CDHR3: variants seen among roughly 807,000 people sequenced by gnomAD.
The protein encoded by CDHR3 is cadherin related family member 3.
Under a neutral mutation model 86.6 loss-of-function variants are expected in CDHR3, and 79 were observed. The observed-to-expected ratio is 0.91, with a 90% CI of 0.76 to 1.10. CDHR3 has a LOEUF of 1.10. CDHR3 is among the 50% of genes least tolerant of loss of function. The pLI is 0.00. For synonymous variants in CDHR3, 421 were observed against 402.4 expected, an observed-to-expected ratio of 1.05 and a Z score of -0.55; for missense variants, 1,081 against 1,077.6, an observed-to-expected ratio of 1.00 and a Z score of -0.04.
chr7:105,974,150 T>G (rs547566128), intron 1 of CDHR3, among the ~76,000 whole-genome samples: 36 of 152,310 alleles, frequency 2.4e-4, no homozygotes, highest in African/African-American at 8.4e-4. Flanking sequence ...GGAAGAAATG[T>G]GCTTTCTATT....
At chr7:106,011,410 G>A (rs1834786272) in intron 8 of CDHR3, among the ~76,000 whole-genome samples, 1 of 151,952 alleles carries the variant, frequency 6.6e-6, no homozygotes, top group African/African-American at 2.4e-5. Context: ...TCCATGCAAT[G>A]AGCCTAGACT....
rs1362267067 is a variant in CDHR3 at position 106,033,624 on chromosome 7, C to T, written c.*927C>T. On this transcript the variant is annotated 3_prime_UTR_variant, in exon 19 of 19. Coordinates refer to ENST00000317716, the MANE Select transcript of CDHR3 (RefSeq NM_152750.5). ...GTGTGGTGGTGGGCACATGTAATCC[C>T]AGCTACTTGGGAGGCTGAGGTAGGG... 6.6e-6 allele frequency: 1 copy of T among 152,084 alleles called. No individual in the cohort carries two copies. The highest frequency in any genetic ancestry group is 1.9e-4 in the East Asian group (1 of 5,194). The allele number at this position is 152,084 out of a possible 1,614,324, so 9.4% of individuals were successfully genotyped here. A position where few individuals can be genotyped will look rare whatever the true frequency, so the allele number is the denominator to read the frequency against.
chr7:106,022,520 G>T, intron 14 of CDHR3, 72 bp downstream of exon 14: 1 of 1,563,178 alleles, frequency 6.4e-7, no homozygotes, highest in Non-Finnish European at 8.7e-7. Flanking sequence ...TCTTTCCCCG[G>T]CCTGGAGGTA....
intron 18 of CDHR3, among the ~76,000 whole-genome samples, chr7:106,031,391 C>A (rs912451858): frequency 6.6e-6 from 1 of 152,204 alleles, no homozygotes; most frequent in Non-Finnish European, 1.5e-5. Flanking sequence ...GAAATCAGCT[C>A]CAAATTTAGC....
intron 9 of CDHR3, 135 bp downstream of exon 9, chr7:106,013,166 G>T: frequency 4.3e-6 from 3 of 693,114 alleles, no homozygotes; most frequent in Non-Finnish European, 6.8e-6. Context: ...AGGCTTAATA[G>T]TGAGTCTGTG....
chr7:106,036,047 CTG>C lies in CDHR3; in HGVS notation c.*3351_*3352del, dbSNP rs1452534268. On this transcript the variant is annotated 3_prime_UTR_variant, in exon 19 of 19. Transcript: ENST00000317716. ...TTTCTCATTCTGATTCATTATAAAACTGGGGTAAATACGTTCAGGAATTAGAC... is the reference window on the plus strand; with the variant it reads ...TTTCTCATTCTGATTCATTATAAAACGGGTAAATACGTTCAGGAATTAGAC... 3 of 152,152 alleles carry C rather than the reference CTG, an allele frequency of 2.0e-5. No homozygotes were observed. The highest frequency in any genetic ancestry group is 2.1e-4 in the South Asian group (1 of 4,830). 9.4% of individuals were successfully genotyped at this position (152,152 alleles called of 1,614,324 possible).
Position 106,032,688 on chromosome 7 carries a change from AGGAAAGTAAAC to A in CDHR3, c.2652_*4del. 1.2e-6 allele frequency: 2 copies of A among 1,610,816 alleles called. No individual in the cohort carries two copies. Among genetic ancestry groups the A allele is most frequent in the East Asian group, 4.5e-5 (2 of 44,806 alleles). ...ACAGGGCTTACCCCAAACCACACCC[AGGAAAGTAAAC>A]GGGGTCTAAGGAGGGGCCTGTCAAT... is the stretch of plus-strand genomic sequence containing the variant. On this transcript the variant is annotated stop_retained_variant and 3_prime_UTR_variant, in exon 19 of 19. Transcript: ENST00000317716.
intron 4 of CDHR3, among the ~76,000 whole-genome samples, chr7:105,985,009 T>C (rs945161113): frequency 1.3e-5 from 2 of 150,290 alleles, no homozygotes; most frequent in African/African-American, 4.9e-5. Context: ...CAGTGAGCTA[T>C]GATCACGTCA....
chr7:106,028,033 G>A (rs1837632765), intron 16 of CDHR3, among the ~76,000 whole-genome samples: 1 of 151,996 alleles, frequency 6.6e-6, no homozygotes, highest in Admixed American at 6.6e-5. Flanking sequence ...AGATAGCTGA[G>A]AGGATCACTT....
intron 8 of CDHR3, 80 bp downstream of exon 8, chr7:106,004,767 C>G: frequency 7.4e-7 from 1 of 1,346,998 alleles, no homozygotes; most frequent in Non-Finnish European, 1.1e-6. Context: ...GGTATATTCT[C>G]AGGAGAATTA....
intron 4 of CDHR3, among the ~76,000 whole-genome samples, chr7:105,990,832 C>G (rs1186962960): frequency 3.3e-5 from 5 of 152,160 alleles, no homozygotes; most frequent in Non-Finnish European, 7.3e-5. Flanking sequence ...CCCTCGTACC[C>G]CAGGGAGCTG....
At chr7:105,978,219 T>G (rs1284107604) in intron 2 of CDHR3, among the ~76,000 whole-genome samples, 1 of 152,178 alleles carries the variant, frequency 6.6e-6, no homozygotes, top group Non-Finnish European at 1.5e-5. Flanking sequence ...TTCAGCCACT[T>G]GTAGCTAATC....
rs1487852575 is a variant in CDHR3, at chr7:106,033,232, GA to G, written c.*538del. ...GAGTAAGTTAAGAGTTGGTCATCTG[GA>G]AAGAAGAAAACTCAGTAGGCACCTT... is the stretch of plus-strand genomic sequence containing the variant. On this transcript the variant is annotated 3_prime_UTR_variant, in exon 19 of 19. Transcript: ENST00000317716. 13 of 153,370 alleles carry G rather than the reference GA, an allele frequency of 8.5e-5. No homozygotes were observed. Among genetic ancestry groups the G allele is most frequent in the Admixed American group, 5.1e-4 (8 of 15,542 alleles). 9.5% of individuals were successfully genotyped at this position (153,370 alleles called of 1,614,324 possible).
intron 3 of CDHR3, among the ~76,000 whole-genome samples, chr7:105,982,405 C>T (rs1369319325): frequency 7.1e-6 from 1 of 141,090 alleles, no homozygotes; most frequent in Non-Finnish European, 1.5e-5. Context: ...GGAGGTGGAG[C>T]TTGCAGTGAG....
At chr7:106,002,995 G>T (rs1191245971) in intron 7 of CDHR3, among the ~76,000 whole-genome samples, 1 of 151,806 alleles carries the variant, frequency 6.6e-6, no homozygotes, top group Non-Finnish European at 1.5e-5. Flanking sequence ...TTAGCTGAGT[G>T]TCATGATACA....
At chr7:106,001,646 T>G in intron 7 of CDHR3, 36 bp downstream of exon 7, 1 of 1,610,710 alleles carries the variant, frequency 6.2e-7, no homozygotes, top group Non-Finnish European at 8.5e-7. Context: ...GTGCATCCTC[T>G]AATTCAGCCA....
chr7:106,028,852 A>C (rs368004928), intron 17 of CDHR3, among the ~76,000 whole-genome samples: 1 of 152,178 alleles, frequency 6.6e-6, no homozygotes, highest in East Asian at 1.9e-4. Flanking sequence ...TCTCCACGAG[A>C]GTGAGTTGAG....
At chr7:106,012,141 AGT>A (rs1182489641) in intron 8 of CDHR3, among the ~76,000 whole-genome samples, 3 of 152,206 alleles carry the variant, frequency 2.0e-5, no homozygotes, top group African/African-American at 7.2e-5. Flanking sequence ...ATACTTATTG[AGT>A]GTGCCAAGAA....
rs894183384 is a variant in CDHR3 at position 106,028,915 on chromosome 7, ATT to A, written c.2304+336_2304+337del. On this transcript the variant is annotated intron_variant, in intron 17 of 18. Coordinates refer to ENST00000317716, the MANE Select transcript of CDHR3 (RefSeq NM_152750.5). Reference sequence around the variant, plus strand: ...TGCTTCAGCCTCCAGTGAGATTTAAATTTTCTTTCTTTCTTTCTTTCTTTCTT... The same window carrying A: ...TGCTTCAGCCTCCAGTGAGATTTAAATTCTTTCTTTCTTTCTTTCTTTCTT... Among the ~76,000 whole-genome samples, 4 of 115,306 alleles carry A rather than the reference ATT, an allele frequency of 3.5e-5. 1 individual carries two copies. Among genetic ancestry groups the A allele is most frequent in the African/African-American group, 1.3e-4 (4 of 30,634 alleles). 75.6% of individuals were successfully genotyped at this position (115,306 alleles called of 152,430 possible).
Sources: allele counts gnomAD v4.1 joint callset (sites outside exome capture counted in the v4.1 genomes callset), GRCh38; gene constraint gnomAD v4.1.1; transcripts MANE v1.5; gene names NCBI Gene and HGNC (gene_info 2026-07-23, HGNC 2026-07-21).